PDE11A: variants seen among roughly 807,000 people sequenced by gnomAD.
The protein encoded by PDE11A is dual 3',5'-cyclic-AMP and -GMP phosphodiesterase 11A.
In PDE11A, 100 loss-of-function variants were observed where a neutral mutation model predicts 100.5. That is an observed-to-expected ratio of 1.00 (90% CI 0.85 to 1.18). PDE11A has a LOEUF of 1.18. Ranked by LOEUF, PDE11A falls within the 50% of genes most tolerant of loss-of-function variation. The probability of loss-of-function intolerance (pLI) is 0.00; values close to 1 mark genes in which losing one functional copy is unlikely to be tolerated. For synonymous variants in PDE11A, 381 were observed against 420.8 expected (o/e 0.91, Z 1.16); for missense variants, 1,141 against 1,152.6 (o/e 0.99, Z 0.15).
At chr2:177,981,245 T>A (rs145796012) in intron 2 of PDE11A, among the ~76,000 whole-genome samples, 2 of 150,622 alleles carry the variant, frequency 1.3e-5, no homozygotes, top group East Asian at 3.9e-4. Context: ...AGCTCAATAT[T>A]TACTGTATTA....
chr2:177,753,508 C>T (rs538781926), intron 10 of PDE11A, among the ~76,000 whole-genome samples: 22 of 151,972 alleles, frequency 1.4e-4, no homozygotes, highest in Middle Eastern at 6.8e-3. Context: ...CTAGTTCCTT[C>T]GTTCTCTCCT....
intron 9 of PDE11A, among the ~76,000 whole-genome samples, chr2:177,773,524 T>C (rs186415000): frequency 0.17 from 25,700 of 152,160 alleles, 2,562 homozygotes; most frequent in East Asian, 0.22. Context: ...ATCTTAGACC[T>C]AAAGCTTTTT....
At chr2:177,701,384 A>G (rs992253496) in intron 13 of PDE11A, among the ~76,000 whole-genome samples, 173 bp from the exon 14 acceptor site, 5 of 152,132 alleles carry the variant, frequency 3.3e-5, no homozygotes, top group Admixed American at 1.3e-4. Flanking sequence ...GGAACTTTCT[A>G]TATATAAGAA....
chr2:177,871,617 G>A (rs187068515), intron 5 of PDE11A, among the ~76,000 whole-genome samples: 70 of 150,764 alleles, frequency 4.6e-4, no homozygotes, highest in Non-Finnish European at 8.1e-4. Context: ...AGCACTTTTG[G>A]GAGGCCAAAG....
chr2:177,688,950 T>C (rs935045642), intron 15 of PDE11A, among the ~76,000 whole-genome samples: 1 of 152,262 alleles, frequency 6.6e-6, no homozygotes, highest in African/African-American at 2.4e-5. Flanking sequence ...TATGTATCTA[T>C]ACATGTACTT....
chr2:177,753,877 T>C (rs191706946), intron 10 of PDE11A, among the ~76,000 whole-genome samples: 63 of 151,892 alleles, frequency 4.1e-4, no homozygotes, highest in Non-Finnish European at 7.8e-4. Flanking sequence ...TTTTTATGGA[T>C]GAAAGCATTG....
At chr2:177,979,160 C>T (rs1461614567) in intron 2 of PDE11A, among the ~76,000 whole-genome samples, 1 of 150,238 alleles carries the variant, frequency 6.7e-6, no homozygotes, top group African/African-American at 2.4e-5. Flanking sequence ...TCCCCAACCC[C>T]TTTGGATGTG....
chr2:177,844,398 A>G (rs1049135887), intron 5 of PDE11A, among the ~76,000 whole-genome samples: 3 of 151,884 alleles, frequency 2.0e-5, no homozygotes, highest in Admixed American at 2.0e-4. Context: ...CTAAAGGCCC[A>G]CCCCTTCATA....
chr2:178,107,726 T>TC (rs2087637790), intron 1 of PDE11A, among the ~76,000 whole-genome samples: 1 of 146,546 alleles, frequency 6.8e-6, no homozygotes, highest in East Asian at 2.0e-4. Context: ...TTTTTCTTTT[T>TC]TTTTTTTTTT....
At chr2:177,688,020 A>G (rs780465048) in intron 15 of PDE11A, 3 of 152,222 alleles carry the variant, frequency 2.0e-5, no homozygotes, top group Non-Finnish European at 2.9e-5. Flanking sequence ...TTCTGGGTAG[A>G]TTATAAGTCC....
intron 19 of PDE11A, among the ~76,000 whole-genome samples, chr2:177,658,114 C>T (rs186386443): frequency 6.6e-6 from 1 of 152,150 alleles, no homozygotes. Context: ...GCCAGAGTTG[C>T]GACCAGCCAC....
chr2:177,946,690 GGGTC>G (rs2085438759), intron 2 of PDE11A, among the ~76,000 whole-genome samples: 1 of 128,532 alleles, frequency 7.8e-6, no homozygotes, highest in African/African-American at 2.8e-5. Context: ...GAGGTGGGGG[GGGTC>G]AGCCCCCCGC....
chr2:178,007,716 A>T (rs904171332), intron 2 of PDE11A, among the ~76,000 whole-genome samples: 4 of 151,868 alleles, frequency 2.6e-5, no homozygotes, highest in Admixed American at 6.6e-5. Context: ...TTATTTATTT[A>T]TTTTTTGAGA....
chr2:177,764,631 T>C (rs1346180817), intron 10 of PDE11A, among the ~76,000 whole-genome samples: 2 of 152,236 alleles, frequency 1.3e-5, no homozygotes, highest in Admixed American at 6.5e-5. Context: ...GAGATGTAAT[T>C]GTCAATGTGG....
At chr2:177,884,557 G>A (rs1285272647) in intron 4 of PDE11A, among the ~76,000 whole-genome samples, 2 of 152,172 alleles carry the variant, frequency 1.3e-5, no homozygotes, top group African/African-American at 2.4e-5. Context: ...GTGAAGTAAA[G>A]GATAGAGCAA....
chr2:177,847,578 G>A (rs1360120559), intron 5 of PDE11A, among the ~76,000 whole-genome samples: 1 of 152,198 alleles, frequency 6.6e-6, no homozygotes, highest in Non-Finnish European at 1.5e-5. Flanking sequence ...TAAGACGACA[G>A]ACACCTCCAA....
At chr2:177,938,251 G>A (rs2085302380) in intron 2 of PDE11A, among the ~76,000 whole-genome samples, 1 of 152,102 alleles carries the variant, frequency 6.6e-6, no homozygotes, top group South Asian at 2.1e-4. Flanking sequence ...TATGAGCTTA[G>A]GGTTTCTTAA....
At chr2:177,979,706 G>A (rs2085856810) in intron 2 of PDE11A, among the ~76,000 whole-genome samples, 1 of 144,164 alleles carries the variant, frequency 6.9e-6, no homozygotes, top group African/African-American at 2.6e-5. Flanking sequence ...TGCTTCCCGG[G>A]TTCATGACAT....
chr2:177,709,887 T>C (rs953518695), intron 13 of PDE11A, among the ~76,000 whole-genome samples: 2 of 152,068 alleles, frequency 1.3e-5, no homozygotes, highest in African/African-American at 2.4e-5. Context: ...CCTGAGGTGG[T>C]TTCTCCAATG....
Sources: allele counts gnomAD v4.1 joint callset (sites outside exome capture counted in the v4.1 genomes callset), GRCh38; gene constraint gnomAD v4.1.1; transcripts MANE v1.5; gene names NCBI Gene and HGNC (gene_info 2026-07-23, HGNC 2026-07-21).